MDN1: variants seen among roughly 807,000 people sequenced by gnomAD.
The protein encoded by MDN1 is midasin.
In MDN1, 266 loss-of-function variants were observed where a neutral mutation model predicts 669.2. The observed-to-expected ratio is 0.40, with a 90% CI of 0.36 to 0.44. The LOEUF is 0.44. MDN1 is among the 20% of genes least tolerant of loss of function. The pLI is 1.00. For missense variants in MDN1, 5,940 were observed against 6,754.0 expected (o/e 0.88, Z 4.22); for synonymous variants, 2,385 against 2,457.1 (o/e 0.97, Z 0.87).
rs962355793 is a variant in MDN1 at position 89,788,690 on chromosome 6, G to C, written c.1231-733C>G. ...AGAAATAATTCCATTTTTTATTTTA[G>C]AAAATCAACTGTGTAGCAATTTGGA... On this transcript the variant is annotated intron_variant, in intron 7 of 101. Transcript: ENST00000369393. 5.3e-4 allele frequency among the ~76,000 whole-genome samples: 81 copies of C among 152,128 alleles called. 1 individual carries two copies. The highest frequency in any genetic ancestry group is 1.8e-3 in the African/African-American group (73 of 41,428).
intron 1 of MDN1, among the ~76,000 whole-genome samples, chr6:89,805,812 G>A (rs532946731): frequency 6.6e-6 from 1 of 152,278 alleles, no homozygotes; most frequent in Non-Finnish European, 1.5e-5. Context: ...TCCTTTATAG[G>A]AGGTTAACTG....
intron 64 of MDN1, 141 bp downstream of exon 64, chr6:89,690,532 T>C (rs2128308018): frequency 9.2e-7 from 1 of 1,084,474 alleles, no homozygotes. Flanking sequence ...CACTCCAGCC[T>C]GGGTGATAGA....
rs1483629017 is a variant in MDN1 at position 89,647,897 on chromosome 6, G to A, written c.16395+135C>T. 4 of 684,626 alleles carry A rather than the reference G, an allele frequency of 5.8e-6. No individual in the cohort carries two copies. In the African/African-American group the frequency reaches 7.2e-5, roughly 12 times the overall value. The allele number at this position is 684,626 out of a possible 1,614,324, so 42.4% of individuals were successfully genotyped here. ...GAGCCCGGGAGTTCGAAGCTATAGT[G>A]AGCTATGATGGCGCCATTGTACTCT... On this transcript the variant is annotated intron_variant, in intron 99 of 101. Transcript: ENST00000369393.
Position 89,776,794 on chromosome 6 carries a change from C to A in MDN1, c.1726-99G>T. 2 of 808,448 alleles carry A rather than the reference C, an allele frequency of 2.5e-6. 1 individual carries two copies. The highest frequency in any genetic ancestry group is 3.7e-6 in the Non-Finnish European group (2 of 542,674). 50.1% of individuals were successfully genotyped at this position (808,448 alleles called of 1,614,324 possible). On this transcript the variant is annotated intron_variant, in intron 11 of 101. Transcript: ENST00000369393. The stretch of plus-strand genomic sequence containing the variant: ...GCCACAAGAGGGAGAAACACAAAAT[C>A]CAGCAGGAACATTTCTCTAAAAATG...
intron 18 of MDN1, 92 bp from the exon 19 acceptor site, chr6:89,758,443 C>T (rs1415776552): frequency 1.3e-5 from 13 of 1,033,114 alleles, no homozygotes; most frequent in Non-Finnish European, 1.7e-5. Context: ...TGGCTGCTCA[C>T]ACCATCCTTG....
At chr6:89,814,513 C>G (rs1768675149) in intron 1 of MDN1, among the ~76,000 whole-genome samples, 1 of 151,972 alleles carries the variant, frequency 6.6e-6, no homozygotes. Flanking sequence ...CATGAACCAC[C>G]ACATCTGGCC....
chr6:89,667,598 T>G (rs1183220577), intron 84 of MDN1, among the ~76,000 whole-genome samples: 1 of 152,196 alleles, frequency 6.6e-6, no homozygotes, highest in Non-Finnish European at 1.5e-5. Flanking sequence ...AGGATACAGA[T>G]TTTTTAAAAC....
rs368333941 is a variant in MDN1 at position 89,694,160 on chromosome 6, C to G, written c.9795G>C (p.Trp3265Cys). 6.0e-5 allele frequency: 97 copies of G among 1,614,140 alleles called. No homozygotes were observed. The highest frequency in any genetic ancestry group is 5.9e-4 in the South Asian group (54 of 91,072). Residue 3265 changes from tryptophan to cysteine, a missense_variant, in exon 62 of 102, where the codon TGG (tryptophan) becomes TGC (cysteine). Trp to Cys is a radical substitution (Grantham distance 215). Transcript: ENST00000369393. ...GCTGGGATGACAGGTTCCGGGTCTTCCATTCACACTGCAGTTGGTGTAACT... is the reference window on the plus strand; with the variant it reads ...GCTGGGATGACAGGTTCCGGGTCTTGCATTCACACTGCAGTTGGTGTAACT... ...KEELHQLQCE[W>C]KTRNLSSQLQ... is the part of the protein sequence containing the mutation.
In MDN1 at chr6:89,670,158, ATATATATATATATTTTTT is replaced by A. The variant is rs1252382993; in HGVS notation, c.13956+743_13956+760del. ...AAAAAACATATATATATATATATAT[ATATATATATATATTTTTT>A]TTTTTTTTTTTTTTGAGATGCAGTT... On this transcript the variant is annotated intron_variant, in intron 83 of 101. Coordinates refer to ENST00000369393, the MANE Select transcript of MDN1 (RefSeq NM_014611.3). Among the ~76,000 whole-genome samples the A allele has an allele frequency of 6.0e-3, 146 of 24,340 alleles. 8 individuals carry two copies. Among genetic ancestry groups the A allele is most frequent in the African/African-American group, 0.035 (136 of 3,884 alleles). The allele number at this position is 24,340 out of a possible 152,430, so 16.0% of individuals were successfully genotyped here.
intron 3 of MDN1, 96 bp downstream of exon 3, chr6:89,794,481 T>C: frequency 3.3e-6 from 4 of 1,228,150 alleles, no homozygotes; most frequent in Non-Finnish European, 4.6e-6. Flanking sequence ...ATAACAAATT[T>C]TAAATGGTTT....
At chr6:89,644,532 C>G (rs1584069971) in intron 101 of MDN1, among the ~76,000 whole-genome samples, 1 of 152,318 alleles carries the variant, frequency 6.6e-6, no homozygotes, top group South Asian at 2.1e-4. Context: ...ATGTGACCCA[C>G]AGAGACAATG....
chr6:89,777,270 T>A (rs1562207740), intron 11 of MDN1, among the ~76,000 whole-genome samples: 1 of 152,158 alleles, frequency 6.6e-6, no homozygotes, highest in Non-Finnish European at 1.5e-5. Context: ...ACAGAAAATA[T>A]GAGAGATAAA....
intron 33 of MDN1, 141 bp from the exon 34 acceptor site, chr6:89,732,916 C>T: frequency 1.5e-6 from 1 of 679,884 alleles, no homozygotes; most frequent in Non-Finnish European, 2.5e-6. Flanking sequence ...TACATAAATG[C>T]TGTTTCTAAC....
intron 1 of MDN1, among the ~76,000 whole-genome samples, chr6:89,816,131 G>T (rs994792746): frequency 6.6e-6 from 1 of 152,192 alleles, no homozygotes; most frequent in African/African-American, 2.4e-5. Context: ...TGGGCGCAGC[G>T]GCTCACACCT....
chr6:89,784,468 T>C (rs1030914241), intron 9 of MDN1, among the ~76,000 whole-genome samples: 2 of 152,170 alleles, frequency 1.3e-5, no homozygotes, highest in African/African-American at 4.8e-5. Context: ...GATAAAGCAC[T>C]GGGGAAGGGA....
rs1219096839 is a variant in MDN1, at chr6:89,723,600, G to A, written c.5690C>T (p.Thr1897Ile). ...RFTQVFVDPL[T>I]VIDMEFIAST... The stretch of plus-strand genomic sequence containing the variant: ...GGCAATGAACTCCATGTCAATTACT[G>A]TAAGGGGATCAACGAAGACCTAGAA... The change falls in exon 39 of 102, where the codon ACA (threonine) becomes ATA (isoleucine). Residue 1897 changes from threonine (T) to isoleucine (I), a missense_variant. Physicochemically the swap from Thr to Ile is moderately conservative, Grantham distance 89. Around this residue, in one of 5 missense-constraint regions of MDN1, gnomAD observed 2,292 missense variants for 2,638.3 expected, o/e 0.87. Coordinates refer to ENST00000369393, the MANE Select transcript of MDN1 (RefSeq NM_014611.3). 1.3e-6 allele frequency: 2 copies of A among 1,579,622 alleles called. No individual in the cohort carries two copies. Among genetic ancestry groups the A allele is most frequent in the African/African-American group, 1.4e-5 (1 of 73,500 alleles).
Position 89,803,554 on chromosome 6 carries a change from C to A in MDN1, c.103G>T (p.Val35Leu), listed in dbSNP as rs374304793. Residue 35 changes from valine (V) to leucine (L), a missense_variant and splice_region_variant, in exon 2 of 102, where the codon GTG becomes TTG. Physicochemically the swap from Val to Leu is conservative, Grantham distance 32. This residue lies in a region of MDN1 where 1,203 missense variants were observed against 1,268.9 expected (regional missense o/e 0.95). Coordinates refer to ENST00000369393, the MANE Select transcript of MDN1 (RefSeq NM_014611.3). Reference sequence around the variant, plus strand: ...CACTGGCGATCTTGAGGTGTCCACACCTGAGAAAGGCAAAACAAAACATCT... The same window carrying A: ...CACTGGCGATCTTGAGGTGTCCACAACTGAGAAAGGCAAAACAAAACATCT... Reference protein sequence around the residue: ...SELGRFLAKQVWTPQDRQCVL... With the variant: ...SELGRFLAKQLWTPQDRQCVL... The A allele has an allele frequency of 6.2e-7, 1 of 1,600,536 alleles. No homozygotes were observed. Among genetic ancestry groups the A allele is most frequent in the Non-Finnish European group, 8.5e-7 (1 of 1,172,248 alleles).
intron 97 of MDN1, among the ~76,000 whole-genome samples, chr6:89,649,604 A>AG (rs1381876596): frequency 6.6e-6 from 1 of 152,262 alleles, no homozygotes; most frequent in African/African-American, 2.4e-5. Context: ...AATGTATCCT[A>AG]GATACCTACC....
chr6:89,753,062 G>A (rs1584318958), intron 22 of MDN1, among the ~76,000 whole-genome samples: 1 of 152,020 alleles, frequency 6.6e-6, no homozygotes, highest in Non-Finnish European at 1.5e-5. Context: ...AGGGGAGAAT[G>A]CCGTGAGCTG....
Sources: gnomAD v4.1 joint callset for allele counts (sites outside exome capture counted in the v4.1 genomes callset) on GRCh38, gnomAD v4.1.1 for gene constraint, gnomAD v4.1.1 regional missense constraint, MANE v1.5 for transcripts, NCBI Gene and HGNC (gene_info 2026-07-23, HGNC 2026-07-21) for gene names.